Variants in SYT9 observed in about 807,000 individuals in gnomAD.
The protein encoded by SYT9 is synaptotagmin-9.
In SYT9, 22 loss-of-function variants were observed where a neutral mutation model predicts 48.4. That is an observed-to-expected ratio of 0.45 (90% CI 0.32 to 0.65). SYT9 has a LOEUF of 0.65. SYT9 is among the 30% of genes least tolerant of loss of function. The pLI is 0.03. For missense variants in SYT9, 577 were observed against 622.0 expected, an observed-to-expected ratio of 0.93 and a Z score of 0.77; for synonymous variants, 265 against 245.0, an observed-to-expected ratio of 1.08 and a Z score of -0.76.
At chr11:7,412,487 T>C (rs1429720910) in intron 3 of SYT9, among the ~76,000 whole-genome samples, 3 of 152,168 alleles carry the variant, frequency 2.0e-5, no homozygotes. Context: ...CTTGATAGCT[T>C]AGGGTGTGGT....
intron 3 of SYT9, among the ~76,000 whole-genome samples, chr11:7,413,830 C>G (rs1464726624): frequency 7.3e-5 from 11 of 151,706 alleles, no homozygotes; most frequent in Admixed American, 7.2e-4. Flanking sequence ...ACTCCTGGGC[C>G]CAAGTGATCC....
intron 3 of SYT9, among the ~76,000 whole-genome samples, chr11:7,346,458 G>A (rs958030012): frequency 6.6e-6 from 1 of 152,200 alleles, no homozygotes; most frequent in Non-Finnish European, 1.5e-5. Context: ...GTGGGAGGGA[G>A]AGGCCAATGC....
At chr11:7,336,799 G>C (rs1380812440) in intron 3 of SYT9, among the ~76,000 whole-genome samples, 1 of 152,066 alleles carries the variant, frequency 6.6e-6, no homozygotes, top group Non-Finnish European at 1.5e-5. Flanking sequence ...CTCCAGCTTT[G>C]TTCTTTTTGC....
intron 6 of SYT9, chr11:7,441,434 T>C (rs995511563): frequency 4.6e-5 from 7 of 152,222 alleles, no homozygotes; most frequent in African/African-American, 9.6e-5. Context: ...ACTTTTGATG[T>C]AATGAACAGA....
intron 1 of SYT9, among the ~76,000 whole-genome samples, chr11:7,292,873 C>T (rs947362522): frequency 2.0e-5 from 3 of 152,092 alleles, no homozygotes; most frequent in Non-Finnish European, 4.4e-5. Context: ...CTGGAGCAAT[C>T]GAGTAAAAAG....
At chr11:7,399,795 G>T (rs1166522183) in intron 3 of SYT9, among the ~76,000 whole-genome samples, 1 of 152,258 alleles carries the variant, frequency 6.6e-6, no homozygotes, top group African/African-American at 2.4e-5. Context: ...ACAGGCAAAA[G>T]CTTGCATCCT....
At chr11:7,335,948 C>T (rs1849623878) in intron 3 of SYT9, among the ~76,000 whole-genome samples, 1 of 152,116 alleles carries the variant, frequency 6.6e-6, no homozygotes, top group Non-Finnish European at 1.5e-5. Context: ...AACTAATTTA[C>T]ACTCCCACCA....
At chr11:7,462,633 T>C in intron 6 of SYT9, among the ~76,000 whole-genome samples, 1 of 152,240 alleles carries the variant, frequency 6.6e-6, no homozygotes, top group Non-Finnish European at 1.5e-5. Flanking sequence ...TGAATCTTCA[T>C]ATATTTGCAA....
intron 6 of SYT9, among the ~76,000 whole-genome samples, chr11:7,462,920 C>T (rs1848260270): frequency 6.6e-6 from 1 of 152,186 alleles, no homozygotes; most frequent in African/African-American, 2.4e-5. Context: ...TGTCTCATAT[C>T]AGCTGTCATT....
intron 6 of SYT9, among the ~76,000 whole-genome samples, chr11:7,425,944 A>C (rs930368013): frequency 3.9e-5 from 6 of 152,212 alleles, no homozygotes; most frequent in Non-Finnish European, 8.8e-5. Flanking sequence ...AAAAAACAAG[A>C]AACATTTAAA....
At chr11:7,465,757 C>T in intron 6 of SYT9, 1 of 172,606 alleles carries the variant, frequency 5.8e-6, no homozygotes, top group South Asian at 1.4e-4. Flanking sequence ...ACTTACAGTT[C>T]CACATGGCTG....
At chr11:7,385,371 C>CGT (rs376820147) in intron 3 of SYT9, among the ~76,000 whole-genome samples, 1 of 144,130 alleles carries the variant, frequency 6.9e-6, no homozygotes, top group African/African-American at 2.6e-5. Context: ...TGTGTGTGTG[C>CGT]GTGTGTGTCC....
intron 3 of SYT9, among the ~76,000 whole-genome samples, chr11:7,327,930 G>C (rs1849459684): frequency 3.1e-5 from 3 of 97,080 alleles, no homozygotes; most frequent in Admixed American, 1.1e-4. Flanking sequence ...GGTGGGGAGG[G>C]GGGAGGGGGG....
At chr11:7,281,916 C>T (rs1358995685) in intron 1 of SYT9, among the ~76,000 whole-genome samples, 1 of 152,144 alleles carries the variant, frequency 6.6e-6, no homozygotes, top group Non-Finnish European at 1.5e-5. Context: ...TTGGAACTTC[C>T]CACTGTAGGT....
intron 1 of SYT9, among the ~76,000 whole-genome samples, chr11:7,275,550 A>G (rs962760673): frequency 3.3e-5 from 5 of 151,892 alleles, no homozygotes; most frequent in African/African-American, 1.2e-4. Context: ...TATTACTGTG[A>G]CCCATTTCTT....
intron 6 of SYT9, chr11:7,453,927 G>A (rs1848104062): frequency 1.1e-6 from 1 of 935,868 alleles, no homozygotes; most frequent in Non-Finnish European, 1.3e-6. Flanking sequence ...GCCCTCCTCA[G>A]GAGCACCAGG....
At position 7,332,565 on chromosome 11, in the gene SYT9, A is replaced by G. The variant is rs1026931474; in HGVS notation, c.1044+18624A>G. Among the ~76,000 whole-genome samples the G allele has an allele frequency of 5.3e-5, 8 of 152,164 alleles. No homozygotes were observed. The East Asian group carries it at 1.4e-3, about 26-fold the overall frequency. On this transcript the variant is annotated intron_variant, in intron 3 of 6. Transcript: ENST00000318881. ...TGAGATATAGGAAAAGGAAGGAGAA[A>G]GAGAAGAGGGATCCTCTTCCCCTCA...
At chr11:7,244,580 T>G (rs530963061) in intron 1 of SYT9, among the ~76,000 whole-genome samples, 2 of 152,350 alleles carry the variant, frequency 1.3e-5, no homozygotes, top group South Asian at 4.1e-4. Flanking sequence ...ATACCTTTTT[T>G]GGATAATTAG....
chr11:7,315,458 A>G (rs913694748), intron 3 of SYT9, among the ~76,000 whole-genome samples: 3 of 152,210 alleles, frequency 2.0e-5, no homozygotes, highest in Non-Finnish European at 4.4e-5. Flanking sequence ...AGCTGCAGTG[A>G]GGTGCCTTGA....
Sources: allele counts gnomAD v4.1 joint callset (sites outside exome capture counted in the v4.1 genomes callset), GRCh38; gene constraint gnomAD v4.1.1; transcripts MANE v1.5; gene names NCBI Gene and HGNC (gene_info 2026-07-23, HGNC 2026-07-21).